UBE2E1: variants seen among roughly 807,000 people sequenced by gnomAD.
UBE2E1 encodes the protein ubiquitin conjugating enzyme E2 E1.
Under a neutral mutation model 21.4 loss-of-function variants are expected in UBE2E1, and 6 were observed. The observed-to-expected ratio is 0.28, with a 90% CI of 0.15 to 0.55. The LOEUF is 0.55. Ranked by LOEUF, UBE2E1 falls within the 20% of genes least tolerant of loss-of-function variation. UBE2E1 has a pLI of 0.93. For synonymous variants in UBE2E1, 87 were observed against 82.7 expected (o/e 1.05, Z -0.28); for missense variants, 142 against 236.5 (o/e 0.60, Z 2.62).
intron 3 of UBE2E1, among the ~76,000 whole-genome samples, chr3:23,838,076 AT>A (rs893416981): frequency 1.3e-5 from 2 of 150,760 alleles, no homozygotes; most frequent in African/African-American, 2.4e-5. Context: ...TATTTATTTT[AT>A]TTTTTTTTGA....
At chr3:23,809,414 AAAAG>A (rs1403749228) in intron 2 of UBE2E1, among the ~76,000 whole-genome samples, 28 of 152,292 alleles carry the variant, frequency 1.8e-4, no homozygotes, top group African/African-American at 6.3e-4. Context: ...GTAGGAGTGA[AAAAG>A]AAGCCTGAAT....
At chr3:23,826,539 G>A (rs1309219645) in intron 3 of UBE2E1, among the ~76,000 whole-genome samples, 1 of 152,146 alleles carries the variant, frequency 6.6e-6, no homozygotes, top group East Asian at 1.9e-4. Flanking sequence ...TGGAAACAGG[G>A]AACCTCAGCA....
rs1700379457 is a variant in UBE2E1, at chr3:23,853,863, CA to C, written c.204-33703del. Among the ~76,000 whole-genome samples, 1 of 152,180 alleles carries C rather than the reference CA, an allele frequency of 6.6e-6. No individual in the cohort carries two copies. Among genetic ancestry groups the C allele is most frequent in the Non-Finnish European group, 1.5e-5 (1 of 68,042 alleles). On this transcript the variant is annotated intron_variant, in intron 3 of 5. Coordinates refer to ENST00000306627, the MANE Select transcript of UBE2E1 (RefSeq NM_003341.5). The surrounding 1 kb of genome is among the most constrained non-coding windows in gnomAD (Gnocchi z 4.1). ...ACCCAACATCCCCCTGGGGTACCAACACTCCTCATTTTATAATAATTCGTTT... is the reference window on the plus strand; with the variant it reads ...ACCCAACATCCCCCTGGGGTACCAACCTCCTCATTTTATAATAATTCGTTT...
At chr3:23,846,374 G>A (rs1227399493) in intron 3 of UBE2E1, among the ~76,000 whole-genome samples, 1 of 151,942 alleles carries the variant, frequency 6.6e-6, no homozygotes, top group Non-Finnish European at 1.5e-5. Context: ...GTTCAGCCTG[G>A]GCAACATGGC....
intron 3 of UBE2E1, among the ~76,000 whole-genome samples, chr3:23,868,685 C>T (rs1429900917): frequency 2.0e-5 from 3 of 151,382 alleles, no homozygotes; most frequent in Non-Finnish European, 4.4e-5. Context: ...TTATTTTGTC[C>T]TTCAGAATAG....
intron 3 of UBE2E1, among the ~76,000 whole-genome samples, chr3:23,869,419 C>CTGTGTGTGTG (rs4024641): frequency 0.019 from 2,569 of 132,440 alleles, 37 homozygotes; most frequent in South Asian, 0.036. Context: ...TGGTCTTTTC[C>CTGTGTGTGTG]TGTGTGTGTG....
At chr3:23,837,651 A>G (rs1044721306) in intron 3 of UBE2E1, among the ~76,000 whole-genome samples, 1 of 152,216 alleles carries the variant, frequency 6.6e-6, no homozygotes, top group Non-Finnish European at 1.5e-5. Flanking sequence ...TCCTTGCTGC[A>G]TTTTATAAAG....
intron 4 of UBE2E1, among the ~76,000 whole-genome samples, chr3:23,888,583 T>C (rs1701254568): frequency 6.6e-6 from 1 of 152,206 alleles, no homozygotes; most frequent in Non-Finnish European, 1.5e-5. Context: ...TTCTGTGATG[T>C]AGGTAGACAG....
At chr3:23,812,900 A>C (rs1415752915) in intron 3 of UBE2E1, among the ~76,000 whole-genome samples, 1 of 152,148 alleles carries the variant, frequency 6.6e-6, no homozygotes. Context: ...GTTATTAATA[A>C]CATTGATTAA....
rs909734795 is a variant in UBE2E1, at chr3:23,887,145, G to C, written c.204-422G>C. ...GAGATAGAAGAGCAAGGAAGAGCCA[G>C]TTAGTGGGTCAGAAAATGAAACTTC... On this transcript the variant is annotated intron_variant, in intron 3 of 5. Coordinates refer to ENST00000306627, the MANE Select transcript of UBE2E1 (RefSeq NM_003341.5). This position sits in a 1 kb window ranked among gnomAD's most constrained non-coding sequence, Gnocchi z 4.4. Among the ~76,000 whole-genome samples, 1 of 152,204 alleles carries C rather than the reference G, an allele frequency of 6.6e-6. No individual in the cohort carries two copies. The highest frequency in any genetic ancestry group is 1.5e-5 in the Non-Finnish European group (1 of 68,042).
At position 23,808,500 on chromosome 3, in the gene UBE2E1, A is replaced by G. The variant is rs943526940; in HGVS notation, c.152+1079A>G. 6.6e-6 allele frequency among the ~76,000 whole-genome samples: 1 copy of G among 152,212 alleles called. No homozygotes were observed. The highest frequency in any genetic ancestry group is 2.4e-5 in the African/African-American group (1 of 41,454). On this transcript the variant is annotated intron_variant, in intron 2 of 5. Coordinates refer to ENST00000306627, the MANE Select transcript of UBE2E1 (RefSeq NM_003341.5). This position sits in a 1 kb window ranked among gnomAD's most constrained non-coding sequence, Gnocchi z 4.9. ...AATAAAGTAGAACATGAGACTTTAG[A>G]TCTCTCCACTGAGTAGTGAGCCTGG...
intron 3 of UBE2E1, among the ~76,000 whole-genome samples, chr3:23,856,029 T>A (rs1393671308): frequency 6.6e-6 from 1 of 151,980 alleles, no homozygotes. Context: ...CTGTGTGGTT[T>A]TTCTTTTCTT....
At chr3:23,843,829 A>T (rs1298619284) in intron 3 of UBE2E1, among the ~76,000 whole-genome samples, 1 of 152,216 alleles carries the variant, frequency 6.6e-6, no homozygotes, top group African/African-American at 2.4e-5. Flanking sequence ...TTAACAACAA[A>T]CTGTGTCCAA....
chr3:23,887,678 A>G lies in UBE2E1; in HGVS notation c.315A>G (p.Glu105=). 2.5e-6 allele frequency: 4 copies of G among 1,613,410 alleles called. No individual in the cohort carries two copies. The highest frequency in any genetic ancestry group is 1.1e-5 in the South Asian group (1 of 90,862). The change falls in exon 4 of 6, where the codon GAA becomes GAG. Residue 105 remains glutamate (E), a synonymous_variant. Transcript: ENST00000306627. The surrounding 1 kb of genome is among the most constrained non-coding windows in gnomAD (Gnocchi z 4.4). ...TTCTCGATATCACTTTTACACCAGA[A>G]TATCCCTTCAAGCCTCCAAAGGTAA... ...VFFLDITFTP[E]YPFKPPKVTF... is the part of the protein sequence containing the mutation.
At chr3:23,807,550 G>A in intron 2 of UBE2E1, 129 bp downstream of exon 2, 1 of 1,212,500 alleles carries the variant, frequency 8.2e-7, no homozygotes, top group Non-Finnish European at 1.1e-6. Context: ...AATGAAAGAA[G>A]GGCCTTGGAA....
intron 4 of UBE2E1, chr3:23,888,377 C>A: frequency 5.4e-6 from 2 of 370,540 alleles, no homozygotes; most frequent in South Asian, 1.9e-5. Flanking sequence ...ACAACTGCAG[C>A]AACAAGAAGT....
chr3:23,849,753 A>G (rs935770320), intron 3 of UBE2E1, among the ~76,000 whole-genome samples: 4 of 152,106 alleles, frequency 2.6e-5, no homozygotes, highest in African/African-American at 4.8e-5. Context: ...TATCCAGTCT[A>G]TCATTGATGG....
intron 3 of UBE2E1, among the ~76,000 whole-genome samples, chr3:23,880,563 C>T (rs1701014867): frequency 1.3e-5 from 2 of 152,002 alleles, no homozygotes; most frequent in African/African-American, 4.8e-5. Flanking sequence ...GACTGTGACT[C>T]GAAAAATATC....
chr3:23,838,637 C>T (rs529538443), intron 3 of UBE2E1, among the ~76,000 whole-genome samples: 2 of 152,174 alleles, frequency 1.3e-5, no homozygotes, highest in South Asian at 2.1e-4. Flanking sequence ...GCTGGGATTA[C>T]AGGCATGCAC....
Sources: allele counts gnomAD v4.1 joint callset (sites outside exome capture counted in the v4.1 genomes callset), GRCh38; gene constraint gnomAD v4.1.1; non-coding constraint Gnocchi (gnomAD v3.1); transcripts MANE v1.5; gene names NCBI Gene and HGNC (gene_info 2026-07-23, HGNC 2026-07-21).